The following SIK3 variants were observed in gnomAD, a reference collection of about 807,000 sequenced individuals.
SIK3 encodes SIK family kinase 3.
A neutral mutation model predicts 144.2 loss-of-function variants in SIK3; 28 were observed. The ratio of observed to expected loss-of-function variants is 0.19; its 90% CI spans 0.14 to 0.27. SIK3 has a LOEUF of 0.27. Among genes scored for constraint, SIK3 ranks in the 10% least tolerant of loss-of-function variants. The probability of loss-of-function intolerance (pLI) is 1.00; values close to 1 mark genes in which losing one functional copy is unlikely to be tolerated. For missense variants in SIK3, 1,319 were observed against 1,776.0 expected, an observed-to-expected ratio of 0.74 and a Z score of 4.62; for synonymous variants, 686 against 676.3, an observed-to-expected ratio of 1.01 and a Z score of -0.22.
intron 1 of SIK3, among the ~76,000 whole-genome samples, chr11:117,056,689 C>G (rs1456407475): frequency 6.6e-6 from 1 of 152,006 alleles, no homozygotes; most frequent in African/African-American, 2.4e-5. Flanking sequence ...AAAGTATAAA[C>G]TTGTCTGGAG....
rs1396795657 is a variant in SIK3 at position 116,859,336 on chromosome 11, C to A, written c.2694G>T (p.Leu898=). The change falls in exon 20 of 25, where the codon CTG becomes CTT. Residue 898 remains leucine (L), a synonymous_variant. Transcript: ENST00000445177. ...GQMQMQHRTN[L]MATLSYGHRP... is the part of the protein sequence containing the mutation. ...GGTGCCCATAGCTGAGGGTGGCCAT[C>A]AGGTTGGTACGGTGCTGCATCTGCA... 1 of 1,614,012 alleles carries A rather than the reference C, an allele frequency of 6.2e-7. No homozygotes were observed. The highest frequency in any genetic ancestry group is 2.2e-5 in the East Asian group (1 of 44,870).
At chr11:116,897,776 G>A (rs918267302) in intron 4 of SIK3, among the ~76,000 whole-genome samples, 2 of 152,092 alleles carry the variant, frequency 1.3e-5, no homozygotes, top group East Asian at 1.9e-4. Context: ...CCAGGTACTC[G>A]GGAGGCTGAG....
chr11:116,966,312 T>A (rs971845126), intron 1 of SIK3, among the ~76,000 whole-genome samples: 3 of 152,074 alleles, frequency 2.0e-5, no homozygotes. Flanking sequence ...GGAAGATCAT[T>A]TGAGTCCAAG....
At position 116,866,686 on chromosome 11, in the gene SIK3, C is replaced by T. The variant is rs544934744; in HGVS notation, c.1952+1260G>A. ...CGAACTCCTGACCTTGTGATCCACCCGCCTCGGCCTCCCAAAGTGCTGGGA... is the reference window on the plus strand; with the variant it reads ...CGAACTCCTGACCTTGTGATCCACCTGCCTCGGCCTCCCAAAGTGCTGGGA... On this transcript the variant is annotated intron_variant, in intron 15 of 24. Coordinates refer to ENST00000445177, the MANE Select transcript of SIK3 (RefSeq NM_001366686.3). 1.2e-3 allele frequency among the ~76,000 whole-genome samples: 184 copies of T among 152,184 alleles called. 2 individuals are homozygous for T. In the South Asian group the frequency reaches 0.034, roughly 28 times the overall value.
intron 1 of SIK3, among the ~76,000 whole-genome samples, chr11:117,033,631 G>A (rs1227964616): frequency 6.7e-6 from 1 of 149,168 alleles, no homozygotes; most frequent in Non-Finnish European, 1.5e-5. Context: ...ATGGTGTGAA[G>A]CCAGGAGGCG....
intron 1 of SIK3, among the ~76,000 whole-genome samples, chr11:117,082,278 G>A (rs1954822568): frequency 6.6e-6 from 1 of 152,074 alleles, no homozygotes; most frequent in Non-Finnish European, 1.5e-5. Flanking sequence ...TCCACTCCTA[G>A]GTATATGCCC....
chr11:116,939,938 C>T (rs1488256214), intron 3 of SIK3, among the ~76,000 whole-genome samples: 3 of 152,242 alleles, frequency 2.0e-5, no homozygotes, highest in South Asian at 2.1e-4. Context: ...TTTCTTGCAT[C>T]GTAATTTGTA....
At chr11:117,005,096 G>T (rs1399379880) in intron 1 of SIK3, among the ~76,000 whole-genome samples, 4 of 152,000 alleles carry the variant, frequency 2.6e-5, no homozygotes, top group Non-Finnish European at 1.5e-5. Flanking sequence ...GTTTTTAAAA[G>T]ACTGTATCAA....
chr11:117,086,463 G>A (rs1051093182), intron 1 of SIK3, among the ~76,000 whole-genome samples: 5 of 151,880 alleles, frequency 3.3e-5, no homozygotes, highest in Admixed American at 1.3e-4. Flanking sequence ...AGGCCGAGGC[G>A]AGTGGATCAC....
intron 4 of SIK3, among the ~76,000 whole-genome samples, chr11:116,920,856 A>C (rs567150033): frequency 6.6e-6 from 1 of 152,336 alleles, no homozygotes; most frequent in Non-Finnish European, 1.5e-5. Flanking sequence ...AATCTTGTGG[A>C]ATCTTACAAA....
chr11:116,927,206 G>A lies in SIK3; in HGVS notation c.616+13C>T. The A allele has an allele frequency of 6.2e-7, 1 of 1,610,194 alleles. No individual in the cohort carries two copies. Among genetic ancestry groups the A allele is most frequent in the East Asian group, 2.2e-5 (1 of 44,856 alleles). ...CCTTTGTCCCTATCTGACATCCTCA[G>A]TACAGTTCTCACCTGCTATTTTGAT... On this transcript the variant is annotated intron_variant, in intron 4 of 24. Coordinates refer to ENST00000445177, the MANE Select transcript of SIK3 (RefSeq NM_001366686.3).
intron 1 of SIK3, among the ~76,000 whole-genome samples, chr11:117,094,336 G>C (rs1162889045): frequency 6.6e-6 from 1 of 152,168 alleles, no homozygotes; most frequent in South Asian, 2.1e-4. Context: ...TTGGGTTACA[G>C]ACTCATGCCT....
intron 1 of SIK3, among the ~76,000 whole-genome samples, chr11:117,008,966 G>A (rs147014952): frequency 4.1e-4 from 62 of 152,212 alleles, no homozygotes; most frequent in Middle Eastern, 3.4e-3. Context: ...CAGGTGCGGT[G>A]GCTCACACCT....
intron 1 of SIK3, among the ~76,000 whole-genome samples, chr11:117,023,621 A>AATATATATATATATAT (rs1555131639): frequency 5.5e-4 from 52 of 95,378 alleles, no homozygotes; most frequent in African/African-American, 2.0e-3. Flanking sequence ...AAAAAAAAAA[A>AATATATATATATATAT]ATATATATAT....
In SIK3 at chr11:116,858,089, T is replaced by A. The variant is rs1382090148; in HGVS notation, c.3376A>T (p.Thr1126Ser). 15 of 1,612,954 alleles carry A rather than the reference T, an allele frequency of 9.3e-6. No individual in the cohort carries two copies. The highest frequency in any genetic ancestry group is 1.0e-5 in the Non-Finnish European group (12 of 1,179,510). Residue 1126 changes from threonine to serine, a missense_variant, in exon 21 of 25, where the codon ACC becomes TCC. Coordinates refer to ENST00000445177, the MANE Select transcript of SIK3 (RefSeq NM_001366686.3). This position sits in a 1 kb window ranked among gnomAD's most constrained non-coding sequence, Gnocchi z 5.4. ...TGGTGAGCATACCCGTGGGGCGGGG[T>A]GGGTGAGGAAGCCTGTGAGACACAT... is the stretch of plus-strand genomic sequence containing the variant. ...QECVSQASSPTPPHGYAHQPA... is the reference protein window; with the variant it reads ...QECVSQASSPSPPHGYAHQPA...
intron 1 of SIK3, among the ~76,000 whole-genome samples, chr11:117,017,375 T>G (rs534497199): frequency 6.6e-6 from 1 of 152,390 alleles, no homozygotes; most frequent in East Asian, 1.9e-4. Context: ...TATTTCTTGA[T>G]CTGTGTGTTG....
At chr11:116,856,219 G>A (rs1428276143) in intron 21 of SIK3, among the ~76,000 whole-genome samples, 2 of 146,194 alleles carry the variant, frequency 1.4e-5, no homozygotes, top group East Asian at 2.0e-4. Context: ...AAAAAGAAAC[G>A]TGAGCTCATC....
intron 4 of SIK3, among the ~76,000 whole-genome samples, chr11:116,921,974 A>G (rs989536135): frequency 1.3e-5 from 2 of 152,152 alleles, no homozygotes; most frequent in Non-Finnish European, 2.9e-5. Context: ...GCTAGACTCA[A>G]ACTCCTAAGT....
At position 116,863,239 on chromosome 11, in the gene SIK3, G is replaced by A. The variant is rs567260695; in HGVS notation, c.2103+429C>T. 2.8e-4 allele frequency among the ~76,000 whole-genome samples: 43 copies of A among 152,304 alleles called. No homozygotes were observed. The South Asian group carries it at 7.0e-3, about 25-fold the overall frequency. ...GTACATAACACAAAGTAAAGAAAGTGCATTAGAAAGCTATACTTTCTTTTT... is the reference window on the plus strand; with the variant it reads ...GTACATAACACAAAGTAAAGAAAGTACATTAGAAAGCTATACTTTCTTTTT... On this transcript the variant is annotated intron_variant, in intron 16 of 24. Transcript: ENST00000445177.
Sources: gnomAD v4.1 joint callset for allele counts (sites outside exome capture counted in the v4.1 genomes callset) on GRCh38, gnomAD v4.1.1 for gene constraint, Gnocchi (gnomAD v3.1) non-coding constraint, MANE v1.5 for transcripts, NCBI Gene and HGNC (gene_info 2026-07-23, HGNC 2026-07-21) for gene names.